Variants in NSMCE1 observed in about 807,000 individuals in gnomAD.
NSMCE1 encodes NSE1 component of SMC5/6 complex.
Under a neutral mutation model 29.6 loss-of-function variants are expected in NSMCE1, and 18 were observed. The ratio of observed to expected loss-of-function variants is 0.61; its 90% CI spans 0.42 to 0.90. The LOEUF is 0.90. Ranked by LOEUF, NSMCE1 falls within the 40% of genes least tolerant of loss-of-function variation. The pLI is 0.00. For synonymous variants in NSMCE1, 124 were observed against 133.4 expected, an observed-to-expected ratio of 0.93 and a Z score of 0.49; for missense variants, 314 against 343.6, an observed-to-expected ratio of 0.91 and a Z score of 0.68.
rs368454081 is a variant in NSMCE1 at position 27,226,851 on chromosome 16, A to G, written c.484-15T>C. 1.1e-4 allele frequency: 168 copies of G among 1,550,464 alleles called. No homozygotes were observed. The highest frequency in any genetic ancestry group is 1.4e-4 in the Non-Finnish European group (156 of 1,122,820). On this transcript the variant is annotated splice_polypyrimidine_tract_variant and intron_variant, in intron 5 of 7. Transcript: ENST00000361439. ...TCCCCTTCCTTCTGCAGGGACACAC[A>G]GGAGGTGGCCACCCTCAGCCAGGCC...
At chr16:27,226,952 G>A in intron 5 of NSMCE1, 116 bp from the exon 6 acceptor site, 1 of 691,682 alleles carries the variant, frequency 1.4e-6, no homozygotes, top group Non-Finnish European at 2.5e-6. Flanking sequence ...GGTCTACGCA[G>A]CTTTTCACCA....
intron 4 of NSMCE1, chr16:27,233,865 G>A: frequency 3.1e-6 from 1 of 327,294 alleles, no homozygotes; most frequent in South Asian, 5.1e-5. Flanking sequence ...CGATGCTGCT[G>A]CTGCTGCCTT....
At chr16:27,268,362 T>C (rs1173066178) in intron 1 of NSMCE1, 2 of 152,208 alleles carry the variant, frequency 1.3e-5, no homozygotes, top group African/African-American at 4.8e-5. Flanking sequence ...AATTTTATAT[T>C]TTGCTTTTTC....
At chr16:27,263,115 A>T (rs983690487) in intron 1 of NSMCE1, among the ~76,000 whole-genome samples, 1 of 152,226 alleles carries the variant, frequency 6.6e-6, no homozygotes, top group African/African-American at 2.4e-5. Context: ...AATTAGTTAA[A>T]CCACTGTAGA....
Position 27,235,203 on chromosome 16 carries a change from T to C in NSMCE1, c.233A>G (p.Asp78Gly). The C allele has an allele frequency of 6.2e-7, 1 of 1,614,022 alleles. No homozygotes were observed. Among genetic ancestry groups the C allele is most frequent in the South Asian group, 1.1e-5 (1 of 91,072 alleles). The change falls in exon 3 of 8, where the codon GAT (aspartate) becomes GGT (glycine). Residue 78 changes from aspartate to glycine, a missense_variant. Asp to Gly is a moderately conservative substitution (Grantham distance 94, BLOSUM62 -1). Transcript: ENST00000361439. ...CAACGCATAAATGGGTCTCCCATCA[T>C]CTTCCGTGACTCCTCTCTTTATCTC... ...YIEIKRGVTE[D>G]DGRPIYALVN...
rs769526614 is a variant in NSMCE1 at position 27,226,714 on chromosome 16, G to A, written c.600+6C>T. 15 of 1,593,444 alleles carry A rather than the reference G, an allele frequency of 9.4e-6. No individual in the cohort carries two copies. The highest frequency in any genetic ancestry group is 2.2e-5 in the East Asian group (1 of 44,800). The stretch of plus-strand genomic sequence containing the variant: ...GATGAGCTCCCGTGCCCTGCCCTGC[G>A]GGTACCTGGATGAGGAGGCTGTGAC... On this transcript the variant is annotated splice_donor_region_variant and intron_variant, in intron 6 of 7. Transcript: ENST00000361439.
Position 27,257,710 on chromosome 16 carries a change from A to G in NSMCE1, c.-11-129T>C, listed in dbSNP as rs1319243131. 4 of 748,152 alleles carry G rather than the reference A, an allele frequency of 5.3e-6. No homozygotes were observed. The African/African-American group carries it at 5.4e-5, about 10-fold the overall frequency. 46.3% of individuals were successfully genotyped at this position (748,152 alleles called of 1,614,324 possible). ...TTAAAAGTCATTCTTCATGCTGTTT[A>G]CTACAAAGGTGAGAAGAAGAACACG... On this transcript the variant is annotated intron_variant, in intron 1 of 7. Transcript: ENST00000361439.
chr16:27,225,368 C>T, intron 7 of NSMCE1, 132 bp from the exon 8 acceptor site: 1 of 650,846 alleles, frequency 1.5e-6, no homozygotes. Flanking sequence ...CACTGCTAAC[C>T]CTCCCCAGCC....
At chr16:27,264,987 C>T (rs188966756) in intron 1 of NSMCE1, among the ~76,000 whole-genome samples, 135 of 152,002 alleles carry the variant, frequency 8.9e-4, no homozygotes, top group African/African-American at 3.2e-3. Flanking sequence ...AAAGAGGATG[C>T]ATAAATGATG....
chr16:27,261,622 A>C (rs377576067), intron 1 of NSMCE1, among the ~76,000 whole-genome samples: 57 of 152,224 alleles, frequency 3.7e-4, no homozygotes, highest in East Asian at 9.6e-4. Flanking sequence ...CTTTATCAAG[A>C]AGTTCTACCA....
chr16:27,225,459 TGA>T (rs1343690942), intron 7 of NSMCE1, among the ~76,000 whole-genome samples: 1 of 152,200 alleles, frequency 6.6e-6, no homozygotes, highest in Admixed American at 6.5e-5. Flanking sequence ...GTCCCCCTCC[TGA>T]GAGGGCTGCC....
At chr16:27,261,544 C>T (rs1336161196) in intron 1 of NSMCE1, among the ~76,000 whole-genome samples, 2 of 152,084 alleles carry the variant, frequency 1.3e-5, no homozygotes, top group African/African-American at 4.8e-5. Flanking sequence ...CCTAAACACT[C>T]CTATAACCAT....
chr16:27,252,700 C>A (rs2084047421), intron 2 of NSMCE1, among the ~76,000 whole-genome samples: 1 of 152,166 alleles, frequency 6.6e-6, no homozygotes, highest in Middle Eastern at 3.2e-3. Context: ...AGGCGGATCA[C>A]CTGAGGTCAG....
At chr16:27,242,795 G>A (rs968517134) in intron 2 of NSMCE1, among the ~76,000 whole-genome samples, 6 of 152,206 alleles carry the variant, frequency 3.9e-5, no homozygotes, top group Non-Finnish European at 8.8e-5. Flanking sequence ...TCCTTGAGAT[G>A]AGTGGCAGCT....
chr16:27,250,660 G>A lies in NSMCE1; in HGVS notation c.136+6775C>T, dbSNP rs575689354. Among the ~76,000 whole-genome samples, 533 of 151,632 alleles carry A rather than the reference G, an allele frequency of 3.5e-3. 2 individuals carry two copies. The highest frequency in any genetic ancestry group is 6.3e-3 in the Non-Finnish European group (427 of 67,886). On this transcript the variant is annotated intron_variant, in intron 2 of 7. Transcript: ENST00000361439. ...TAACAAAAATTCGTCGGGCGTGGTG[G>A]CACGTGCCTGTAATCCCAGCTACTC...
chr16:27,236,705 G>T (rs1404401750), intron 2 of NSMCE1, among the ~76,000 whole-genome samples: 1 of 151,846 alleles, frequency 6.6e-6, no homozygotes, highest in East Asian at 1.9e-4. Context: ...AAATCATTCT[G>T]GAAAAAAAAC....
At chr16:27,239,318 CT>C (rs1314550813) in intron 2 of NSMCE1, among the ~76,000 whole-genome samples, 2 of 152,238 alleles carry the variant, frequency 1.3e-5, no homozygotes, top group Non-Finnish European at 2.9e-5. Context: ...AGCTCTGCCC[CT>C]GGTCTCTCCC....
chr16:27,244,943 G>A (rs1211755997), intron 2 of NSMCE1, among the ~76,000 whole-genome samples: 3 of 152,170 alleles, frequency 2.0e-5, no homozygotes, highest in Non-Finnish European at 4.4e-5. Context: ...AATTTTCTAG[G>A]AAAACCCCAA....
chr16:27,267,415 A>G lies in NSMCE1; in HGVS notation c.-12+1291T>C, dbSNP rs1309297570. Among the ~76,000 whole-genome samples the G allele has an allele frequency of 2.6e-5, 4 of 152,264 alleles. No individual in the cohort carries two copies. The East Asian group carries it at 5.8e-4, about 22-fold the overall frequency. Reference sequence around the variant, plus strand: ...CTGACCCCATCTTACAGATGAGGAAACTGAGACTAAGAGGGCACAAGGTGA... The same window carrying G: ...CTGACCCCATCTTACAGATGAGGAAGCTGAGACTAAGAGGGCACAAGGTGA... On this transcript the variant is annotated intron_variant, in intron 1 of 7. Coordinates refer to ENST00000361439, the MANE Select transcript of NSMCE1 (RefSeq NM_145080.4).
Sources: gnomAD v4.1 joint callset for allele counts (sites outside exome capture counted in the v4.1 genomes callset) on GRCh38, gnomAD v4.1.1 for gene constraint, MANE v1.5 for transcripts, NCBI Gene and HGNC (gene_info 2026-07-23, HGNC 2026-07-21) for gene names.